SRPRA: variants seen among roughly 807,000 people sequenced by gnomAD.
The protein encoded by SRPRA is signal recognition particle receptor subunit alpha.
SRPRA carries 30 observed loss-of-function variants against 61.1 expected under a neutral mutation model. That is an observed-to-expected ratio of 0.49 (90% CI 0.37 to 0.67). SRPRA has a LOEUF of 0.67. Ranked by LOEUF, SRPRA falls within the 30% of genes least tolerant of loss-of-function variation. The probability of loss-of-function intolerance (pLI) is 0.00; values close to 1 mark genes in which losing one functional copy is unlikely to be tolerated. For synonymous variants in SRPRA, 324 were observed against 299.7 expected (o/e 1.08, Z -0.84); for missense variants, 759 against 828.4 (o/e 0.92, Z 1.03).
At chr11:126,254,648 C>T in the SRPRA span, among the ~76,000 whole-genome samples, 2 of 152,190 alleles carry the variant, frequency 1.3e-5, no homozygotes, top group Non-Finnish European at 2.9e-5. Context: ...GCCTGGGCAA[C>T]ATAGCGAGAC....
downstream of SRPRA, among the ~76,000 whole-genome samples, chr11:126,258,822 T>C (rs1352948911): frequency 6.6e-6 from 1 of 152,254 alleles, no homozygotes; most frequent in Non-Finnish European, 1.5e-5. Context: ...CTGTTTCTGT[T>C]GCACTAAATC....
At chr11:126,261,523 C>A, downstream of SRPRA, 1 of 1,540,928 alleles carries the variant, frequency 6.5e-7, no homozygotes, top group Non-Finnish European at 9.0e-7. Flanking sequence ...CACTCTGTAG[C>A]AGAAAGTCTT....
At chr11:126,250,576 A>T in the SRPRA span, 1 of 1,614,160 alleles carries the variant, frequency 6.2e-7, no homozygotes, top group Non-Finnish European at 8.5e-7. This position sits in a 1 kb window ranked among gnomAD's most constrained non-coding sequence, Gnocchi z 5.1. Flanking sequence ...TTGGAGTCAA[A>T]GATGGAAGAT....
chr11:126,248,732 A>G, the SRPRA span, among the ~76,000 whole-genome samples: 1 of 152,170 alleles, frequency 6.6e-6, no homozygotes. Context: ...TAATGACATT[A>G]ATCAATTCAT....
chr11:126,240,918 C>T, the SRPRA span: 2 of 1,614,138 alleles, frequency 1.2e-6, no homozygotes, highest in Non-Finnish European at 8.5e-7. Flanking sequence ...TAATTCAGGC[C>T]TTACTGGATG....
chr11:126,254,999 C>A, the SRPRA span, among the ~76,000 whole-genome samples: 3 of 152,196 alleles, frequency 2.0e-5, no homozygotes, highest in Non-Finnish European at 4.4e-5. Context: ...ATCATCTTCA[C>A]ATACAAAGGA....
chr11:126,256,447 C>A, the SRPRA span: 1 of 810,000 alleles, frequency 1.2e-6, no homozygotes, highest in Non-Finnish European at 1.9e-6. This position sits in a 1 kb window ranked among gnomAD's most constrained non-coding sequence, Gnocchi z 6.6. Context: ...GACATACCAA[C>A]CCACTTAAGT....
chr11:126,254,405 A>G, the SRPRA span: 1 of 1,614,250 alleles, frequency 6.2e-7, no homozygotes, highest in East Asian at 2.2e-5. Context: ...GCTGGATATC[A>G]GAACGTGCTC....
At chr11:126,256,122 T>C in the SRPRA span, among the ~76,000 whole-genome samples, 5 of 152,054 alleles carry the variant, frequency 3.3e-5, no homozygotes, top group African/African-American at 1.2e-4. The surrounding 1 kb of genome is among the most constrained non-coding windows in gnomAD (Gnocchi z 6.6). Flanking sequence ...CATTCAAAAA[T>C]TAGCTGGGTG....
In SRPRA at chr11:126,268,039, C is replaced by T. The variant is rs1219958706; in HGVS notation, c.165G>A (p.Lys55=). The part of the protein sequence containing the change: ...NSFTHEALTL[K]YKLDNQFELV... ...GCTCAAACTGGTTGTCCAGTTTATACTTGAGTGTGAGTGCCTCATGGGTGA... is the reference window on the plus strand; with the variant it reads ...GCTCAAACTGGTTGTCCAGTTTATATTTGAGTGTGAGTGCCTCATGGGTGA... The change falls in exon 2 of 14, where the codon AAG becomes AAA. Residue 55 remains lysine (K), a synonymous_variant. Transcript: ENST00000332118. The T allele has an allele frequency of 9.3e-6, 15 of 1,614,204 alleles. No homozygotes were observed. Among genetic ancestry groups the T allele is most frequent in the South Asian group, 4.4e-5 (4 of 91,088 alleles).
At chr11:126,258,758 C>CTATA (rs1357128318), downstream of SRPRA, among the ~76,000 whole-genome samples, 2 of 152,210 alleles carry the variant, frequency 1.3e-5, no homozygotes, top group African/African-American at 4.8e-5. Context: ...TTCTTTTGAT[C>CTATA]TATATGCTGA....
chr11:126,250,878 T>C, the SRPRA span: 1 of 618,734 alleles, frequency 1.6e-6, no homozygotes. The surrounding 1 kb of genome is among the most constrained non-coding windows in gnomAD (Gnocchi z 5.1). Flanking sequence ...TTTTTCTTTT[T>C]TCTTTCTTTT....
chr11:126,266,315 A>G (rs1238363717), intron 6 of SRPRA, 37 bp from the exon 7 acceptor site: 2 of 1,608,428 alleles, frequency 1.2e-6, no homozygotes, highest in Admixed American at 1.7e-5. Context: ...GGTCAGGAAC[A>G]CTAAGGTCTC....
chr11:126,268,217 A>G (rs1322787401), intron 1 of SRPRA, 131 bp from the exon 2 acceptor site: 12 of 709,728 alleles, frequency 1.7e-5, no homozygotes, highest in Non-Finnish European at 2.8e-5. Flanking sequence ...GGACAAGAGG[A>G]TGTTGGGGCA....
the SRPRA span, among the ~76,000 whole-genome samples, chr11:126,251,795 G>A: frequency 8.4e-5 from 12 of 142,174 alleles, no homozygotes; most frequent in Admixed American, 8.2e-4. Flanking sequence ...TGATTCTCCT[G>A]CCTCACCCTC....
chr11:126,263,629 G>A lies in SRPRA; in HGVS notation c.*287C>T, dbSNP rs1400555639. 5.6e-6 allele frequency: 2 copies of A among 359,816 alleles called. No homozygotes were observed. Among genetic ancestry groups the A allele is most frequent in the Admixed American group, 8.7e-5 (2 of 22,948 alleles). The allele number at this position is 359,816 out of a possible 1,614,324, so 22.3% of individuals were successfully genotyped here. ...TGTTGGGTTCCAACCATTGGTCAAA[G>A]CTGTAATAAGACTGAGTCTGTAGGC... On this transcript the variant is annotated 3_prime_UTR_variant, in exon 14 of 14. Transcript: ENST00000332118.
chr11:126,245,653 C>A, the SRPRA span, among the ~76,000 whole-genome samples: 2 of 151,890 alleles, frequency 1.3e-5, no homozygotes, highest in African/African-American at 4.8e-5. Context: ...ATGATCATGT[C>A]ATTGTACCTC....
chr11:126,247,164 C>T, the SRPRA span, among the ~76,000 whole-genome samples: 24 of 152,162 alleles, frequency 1.6e-4, no homozygotes, highest in Admixed American at 3.3e-4. Flanking sequence ...TGGTGGTGTG[C>T]GCCTGTAGTC....
chr11:126,264,468 T>G lies in SRPRA; in HGVS notation c.1597A>C (p.Thr533Pro), dbSNP rs1186841794. The G allele has an allele frequency of 1.2e-6, 2 of 1,614,142 alleles. No individual in the cohort carries two copies. Among genetic ancestry groups the G allele is most frequent in the Admixed American group, 3.3e-5 (2 of 60,022 alleles). Residue 533 changes from threonine (T) to proline (P), a missense_variant, in exon 12 of 14, where the codon ACT becomes CCT. Thr to Pro is a conservative substitution (Grantham distance 38, BLOSUM62 -1). Around this residue, in one of 2 missense-constraint regions of SRPRA, gnomAD observed 284 missense variants for 365.9 expected, o/e 0.78. Transcript: ENST00000332118. This position sits in a 1 kb window ranked among gnomAD's most constrained non-coding sequence, Gnocchi z 5.0. Reference protein sequence around the residue: ...GRMQDNAPLMTALAKLITVNT... With the variant: ...GRMQDNAPLMPALAKLITVNT... ...ACAGTAATGAGTTTGGCCAGGGCAGTCATCAGAGGGGCATTGTCTTGCATG... is the reference window on the plus strand; with the variant it reads ...ACAGTAATGAGTTTGGCCAGGGCAGGCATCAGAGGGGCATTGTCTTGCATG...
Sources: allele counts gnomAD v4.1 joint callset (sites outside exome capture counted in the v4.1 genomes callset), GRCh38; gene constraint gnomAD v4.1.1; regional missense constraint gnomAD v4.1.1; non-coding constraint Gnocchi (gnomAD v3.1); transcripts MANE v1.5; gene names NCBI Gene and HGNC (gene_info 2026-07-23, HGNC 2026-07-21).